Variants in C6orf89 observed in about 807,000 individuals in gnomAD.
C6orf89 encodes the protein chromosome 6 open reading frame 89.
A neutral mutation model predicts 40.7 loss-of-function variants in C6orf89; 29 were observed. The observed-to-expected ratio is 0.71, with a 90% CI of 0.53 to 0.97. The LOEUF (loss-of-function observed/expected upper bound fraction) is 0.97. Among genes scored for constraint, C6orf89 ranks in the 50% least tolerant of loss-of-function variants. The pLI, the probability that C6orf89 is intolerant of heterozygous loss-of-function variation, is 0.00. For synonymous variants in C6orf89, 165 were observed against 152.2 expected (o/e 1.08, Z -0.62); for missense variants, 392 against 429.1 (o/e 0.91, Z 0.76).
chr6:36,882,718 TTTTTTTTTCTTTTTTC>T (rs1364758789), upstream of C6orf89, among the ~76,000 whole-genome samples: 3 of 114,866 alleles, frequency 2.6e-5, 1 homozygote, highest in Non-Finnish European at 4.0e-5. Flanking sequence ...ATTTTCTTTT[TTTTTTTTTCTTTTTTC>T]TTTTTTTTTT....
chr6:36,875,023 C>G (rs183203498), intron 1 of C6orf89: 1 of 508,130 alleles, frequency 2.0e-6, no homozygotes, highest in South Asian at 2.4e-5. Context: ...GTGGCGATAC[C>G]GCGCCACTCT....
chr6:36,908,031 A>G (rs182285091), intron 4 of C6orf89, among the ~76,000 whole-genome samples: 1 of 152,298 alleles, frequency 6.6e-6, no homozygotes, highest in Admixed American at 6.5e-5. Flanking sequence ...TTCTGTTGTC[A>G]GGGACTCTGT....
intron 7 of C6orf89, 138 bp downstream of exon 7, chr6:36,916,712 C>A: frequency 9.7e-7 from 1 of 1,033,942 alleles, no homozygotes; most frequent in Non-Finnish European, 1.4e-6. Flanking sequence ...CAGTCTAGTT[C>A]TCCCCTCCTG....
chr6:36,910,843 A>G (rs1028726477), intron 4 of C6orf89, among the ~76,000 whole-genome samples: 9 of 152,138 alleles, frequency 5.9e-5, no homozygotes, highest in African/African-American at 1.9e-4. Context: ...TATCTTGTTA[A>G]ATTTATTGCT....
At chr6:36,899,349 G>A in intron 2 of C6orf89, 77 bp from the exon 3 acceptor site, 4 of 1,351,360 alleles carry the variant, frequency 3.0e-6, no homozygotes, top group East Asian at 2.3e-5. Flanking sequence ...TCTACAGATG[G>A]TCAAGTAGCT....
intron 1 of C6orf89, among the ~76,000 whole-genome samples, chr6:36,888,618 G>T (rs969065648): frequency 1.3e-5 from 2 of 152,202 alleles, no homozygotes; most frequent in African/African-American, 4.8e-5. Flanking sequence ...TGAGCGAAGA[G>T]TGAGACCCTG....
At chr6:36,901,733 C>T (rs374544475) in intron 3 of C6orf89, among the ~76,000 whole-genome samples, 18 of 151,578 alleles carry the variant, frequency 1.2e-4, no homozygotes, top group South Asian at 6.3e-4. Context: ...TGCAGTGGCG[C>T]GATCTCGGCT....
At chr6:36,890,578 G>A (rs1310736423) in intron 1 of C6orf89, among the ~76,000 whole-genome samples, 3 of 152,068 alleles carry the variant, frequency 2.0e-5, no homozygotes, top group African/African-American at 7.2e-5. Context: ...CTGTTGCTCA[G>A]GCTGGGGTGC....
intron 1 of C6orf89, among the ~76,000 whole-genome samples, chr6:36,875,858 C>T (rs1188624975): frequency 1.3e-5 from 2 of 152,218 alleles, no homozygotes; most frequent in Non-Finnish European, 2.9e-5. Flanking sequence ...GACAGTTCAA[C>T]TGTAATGTCC....
rs1409187104 is a variant in C6orf89 at position 36,914,568 on chromosome 6, G to A, written c.570G>A (p.Leu190=). ...GCCTTGCCAAGACGGGAAAGCCCCT[G>A]TTGGAGGAAGAGATTCAGCATTTTT... is the stretch of plus-strand genomic sequence containing the variant. ...HPLVIKTGKP[L]LEEEIQHFLC... is the part of the protein sequence containing the mutation. Residue 190 remains leucine, a synonymous_variant, in exon 6 of 9, where the codon CTG becomes CTA. Transcript: ENST00000480824. 3.7e-6 allele frequency: 6 copies of A among 1,614,084 alleles called. No homozygotes were observed. Among genetic ancestry groups the A allele is most frequent in the Non-Finnish European group, 5.1e-6 (6 of 1,179,998 alleles).
At chr6:36,911,802 A>G (rs946786557) in intron 4 of C6orf89, among the ~76,000 whole-genome samples, 4 of 152,152 alleles carry the variant, frequency 2.6e-5, no homozygotes, top group African/African-American at 9.7e-5. Context: ...CCAAGAGGAC[A>G]GTATAGTGCA....
intron 4 of C6orf89, among the ~76,000 whole-genome samples, chr6:36,913,433 T>C (rs1762196249): frequency 1.3e-5 from 2 of 152,200 alleles, no homozygotes; most frequent in Admixed American, 1.3e-4. Flanking sequence ...TCCTCTTCTG[T>C]GTCCTTTTCT....
intron 1 of C6orf89, among the ~76,000 whole-genome samples, chr6:36,893,256 A>G (rs1412836077): frequency 2.0e-5 from 3 of 150,142 alleles, no homozygotes; most frequent in Non-Finnish European, 3.0e-5. Flanking sequence ...TTTTTAAGGG[A>G]TGAGTTTTTT....
In C6orf89 at chr6:36,926,591, GAA is replaced by G. The variant is rs757049903; in HGVS notation, c.*3152_*3153del. ...AGAGAAAAGAAGAGGGGAGGGGAGG[GAA>G]AGGGAAGGGAGGGGAGGGGAGGAGA... On this transcript the variant is annotated 3_prime_UTR_variant, in exon 9 of 9. Coordinates refer to ENST00000480824, the MANE Select transcript of C6orf89 (RefSeq NM_001286635.2). The G allele has an allele frequency of 1.6e-5, 2 of 128,596 alleles. No individual in the cohort carries two copies. The highest frequency in any genetic ancestry group is 5.9e-5 in the African/African-American group (2 of 34,076). The allele number at this position is 128,596 out of a possible 1,614,324, so 8.0% of individuals were successfully genotyped here.
Position 36,914,711 on chromosome 6 carries a change from C to G in C6orf89, c.695+18C>G, listed in dbSNP as rs371623018. The stretch of plus-strand genomic sequence containing the variant: ...TATCCATGGTGAGTGTGAAAAGGGC[C>G]GGGCACAGTGGCTCATGCCTGTGAT... On this transcript the variant is annotated intron_variant, in intron 6 of 8. Coordinates refer to ENST00000480824, the MANE Select transcript of C6orf89 (RefSeq NM_001286635.2). The G allele has an allele frequency of 6.2e-7, 1 of 1,609,746 alleles. No individual in the cohort carries two copies. The highest frequency in any genetic ancestry group is 1.1e-5 in the South Asian group (1 of 91,038).
intron 8 of C6orf89, among the ~76,000 whole-genome samples, 190 bp from the exon 9 acceptor site, chr6:36,923,157 C>T (rs1762568165): frequency 6.6e-6 from 1 of 151,632 alleles, no homozygotes; most frequent in African/African-American, 2.4e-5. Flanking sequence ...ATAGTGAGAC[C>T]CCTATCTCTT....
In C6orf89 at chr6:36,925,495, C is replaced by T. The variant is rs1410392741; in HGVS notation, c.*2054C>T. 1 of 152,114 alleles carries T rather than the reference C, an allele frequency of 6.6e-6. No individual in the cohort carries two copies. Among genetic ancestry groups the T allele is most frequent in the Non-Finnish European group, 1.5e-5 (1 of 68,024 alleles). 9.4% of individuals were successfully genotyped at this position (152,114 alleles called of 1,614,324 possible). On this transcript the variant is annotated 3_prime_UTR_variant, in exon 9 of 9. Transcript: ENST00000480824. ...CATCCCGTGGGAAAGTCCCCTAAGT[C>T]CCATTTTGTACTTCAACAAAAAATG...
rs1206319056 is a variant in C6orf89, at chr6:36,925,545, C to G, written c.*2104C>G. 1 of 152,198 alleles carries G rather than the reference C, an allele frequency of 6.6e-6. No homozygotes were observed. The highest frequency in any genetic ancestry group is 1.5e-5 in the Non-Finnish European group (1 of 68,040). 9.4% of individuals were successfully genotyped at this position (152,198 alleles called of 1,614,324 possible). On this transcript the variant is annotated 3_prime_UTR_variant, in exon 9 of 9. Coordinates refer to ENST00000480824, the MANE Select transcript of C6orf89 (RefSeq NM_001286635.2). ...GACTGTAGCAGAAGATAAGTGGAGA[C>G]TTTTATGGATATACTACTCATTTTA...
intron 1 of C6orf89, among the ~76,000 whole-genome samples, chr6:36,872,896 A>G (rs746383731): frequency 1.1e-4 from 16 of 152,208 alleles, no homozygotes; most frequent in Non-Finnish European, 1.8e-4. Flanking sequence ...GATGTGAGCT[A>G]TGGCACCTGG....
Sources: allele counts gnomAD v4.1 joint callset (sites outside exome capture counted in the v4.1 genomes callset), GRCh38; gene constraint gnomAD v4.1.1; transcripts MANE v1.5; gene names NCBI Gene and HGNC (gene_info 2026-07-23, HGNC 2026-07-21).